Variants in GRAMD1C observed in about 807,000 individuals in gnomAD.
The protein encoded by GRAMD1C is GRAM domain containing 1C.
In GRAMD1C, 89 loss-of-function variants were observed where a neutral mutation model predicts 97.8. The ratio of observed to expected loss-of-function variants is 0.91; its 90% CI spans 0.77 to 1.09. GRAMD1C has a LOEUF of 1.09. Among genes scored for constraint, GRAMD1C ranks in the 50% least tolerant of loss-of-function variants. The probability of loss-of-function intolerance (pLI) is 0.00; values close to 1 mark genes in which losing one functional copy is unlikely to be tolerated. For missense variants in GRAMD1C, 740 were observed against 766.4 expected (o/e 0.97, Z 0.41); for synonymous variants, 256 against 267.0 (o/e 0.96, Z 0.40).
At chr3:113,925,345 C>T (rs575258828) in intron 10 of GRAMD1C, among the ~76,000 whole-genome samples, 29 of 152,202 alleles carry the variant, frequency 1.9e-4, no homozygotes, top group Admixed American at 1.3e-3. Flanking sequence ...AAAAATTAGC[C>T]GGGCATGGTG....
intron 9 of GRAMD1C, among the ~76,000 whole-genome samples, chr3:113,913,920 A>T (rs934714500): frequency 2.0e-5 from 3 of 152,194 alleles, no homozygotes; most frequent in Non-Finnish European, 4.4e-5. Flanking sequence ...GTGGGTTTAG[A>T]GGGAGTGAGG....
At chr3:113,897,652 C>T (rs1397944920) in intron 6 of GRAMD1C, 3 of 983,300 alleles carry the variant, frequency 3.1e-6, no homozygotes, top group East Asian at 1.1e-4. Context: ...ATATTTGGAG[C>T]TCTGCTGTGC....
At chr3:113,838,578 A>AG, upstream of GRAMD1C, 3 of 227,928 alleles carry the variant, frequency 1.3e-5, no homozygotes, top group Non-Finnish European at 1.7e-5. Context: ...TCCGTCTCAA[A>AG]AAAAAAAAAA....
intron 6 of GRAMD1C, among the ~76,000 whole-genome samples, chr3:113,884,927 C>T (rs1481880119): frequency 2.8e-5 from 3 of 108,010 alleles, no homozygotes; most frequent in Non-Finnish European, 5.6e-5. Context: ...CTTTTCCCTT[C>T]CTCCCTTTTC....
chr3:113,943,872 C>T (rs774917623), intron 17 of GRAMD1C, among the ~76,000 whole-genome samples: 16 of 152,184 alleles, frequency 1.1e-4, no homozygotes, highest in Middle Eastern at 3.2e-3. Flanking sequence ...TGAGATCATG[C>T]TACTGCACTC....
intron 2 of GRAMD1C, among the ~76,000 whole-genome samples, chr3:113,853,188 A>G (rs1011913515): frequency 7.9e-5 from 12 of 152,230 alleles, no homozygotes; most frequent in Admixed American, 5.2e-4. Flanking sequence ...TAGAAATGAA[A>G]AATATGGTCA....
At chr3:113,940,098 A>C (rs1214524993) in intron 16 of GRAMD1C, 102 bp downstream of exon 16, 3 of 863,760 alleles carry the variant, frequency 3.5e-6, no homozygotes, top group Non-Finnish European at 5.8e-6. Context: ...TCTGCTAACT[A>C]TCCTGTAGCC....
chr3:113,875,465 C>T lies in GRAMD1C; in HGVS notation c.260-19C>T, dbSNP rs745802038. On this transcript the variant is annotated intron_variant, in intron 3 of 17. Coordinates refer to ENST00000358160, the MANE Select transcript of GRAMD1C (RefSeq NM_017577.5). ...TCAGATTTTCGTGAATAAGCTGTATCTTATTTTTGTGTATATAGATTATGC... is the reference window on the plus strand; with the variant it reads ...TCAGATTTTCGTGAATAAGCTGTATTTTATTTTTGTGTATATAGATTATGC... 9.7e-7 allele frequency: 1 copy of T among 1,029,164 alleles called. No homozygotes were observed. Among genetic ancestry groups the T allele is most frequent in the Non-Finnish European group, 1.5e-6 (1 of 647,686 alleles). The allele number at this position is 1,029,164 out of a possible 1,614,324, so 63.8% of individuals were successfully genotyped here.
At chr3:113,845,156 C>T (rs1259462315) in intron 2 of GRAMD1C, among the ~76,000 whole-genome samples, 1 of 152,100 alleles carries the variant, frequency 6.6e-6, no homozygotes, top group Non-Finnish European at 1.5e-5. Context: ...CTTCAGGTTT[C>T]CCCACTGGAA....
intron 9 of GRAMD1C, among the ~76,000 whole-genome samples, chr3:113,914,406 T>C (rs562006966): frequency 6.6e-6 from 1 of 152,242 alleles, no homozygotes; most frequent in South Asian, 2.1e-4. Flanking sequence ...TAAACAGCAG[T>C]AGTTGGGGAT....
At chr3:113,927,544 G>T (rs1425378487) in intron 10 of GRAMD1C, among the ~76,000 whole-genome samples, 1 of 152,208 alleles carries the variant, frequency 6.6e-6, no homozygotes, top group Non-Finnish European at 1.5e-5. Flanking sequence ...ATCCTGCTCA[G>T]CTAGGAGCTG....
chr3:113,902,182 T>C (rs1244893614), intron 7 of GRAMD1C, among the ~76,000 whole-genome samples: 1 of 152,244 alleles, frequency 6.6e-6, no homozygotes, highest in Non-Finnish European at 1.5e-5. Context: ...ATTTTGAAAG[T>C]CTCAAAGTAT....
chr3:113,931,579 G>A (rs1223154837), intron 11 of GRAMD1C, among the ~76,000 whole-genome samples: 4 of 151,796 alleles, frequency 2.6e-5, no homozygotes, highest in Admixed American at 6.6e-5. Flanking sequence ...GGCTGGTCTC[G>A]AACTCCTGAA....
chr3:113,922,251 T>C, intron 10 of GRAMD1C, among the ~76,000 whole-genome samples: 1 of 152,044 alleles, frequency 6.6e-6, no homozygotes, highest in Non-Finnish European at 1.5e-5. Flanking sequence ...TTTATATTTT[T>C]TTGTAGAGAT....
chr3:113,873,024 C>T (rs1480092399), intron 3 of GRAMD1C, among the ~76,000 whole-genome samples: 2 of 139,934 alleles, frequency 1.4e-5, no homozygotes, highest in Non-Finnish European at 1.5e-5. Flanking sequence ...ACCTGGGAGG[C>T]GGAGCTTGCA....
chr3:113,834,146 T>C (rs1045212764), upstream of GRAMD1C, among the ~76,000 whole-genome samples: 11 of 152,306 alleles, frequency 7.2e-5, no homozygotes, highest in Middle Eastern at 3.4e-3. Context: ...TTTGAAGCTA[T>C]TGCCAAATTC....
At chr3:113,919,096 C>A in intron 10 of GRAMD1C, 1 of 165,784 alleles carries the variant, frequency 6.0e-6, no homozygotes, top group Non-Finnish European at 1.3e-5. Context: ...CTAATTCCAG[C>A]ACTCAAATGA....
chr3:113,877,551 C>T (rs114942772), intron 5 of GRAMD1C, among the ~76,000 whole-genome samples: 101 of 152,216 alleles, frequency 6.6e-4, no homozygotes, highest in Non-Finnish European at 1.1e-3. Flanking sequence ...TAGGATATCT[C>T]TCAATTTGTG....
chr3:113,869,609 A>G lies in GRAMD1C; in HGVS notation c.259+18A>G, dbSNP rs1180788823. ...GATAGCAGGTAAAATAGAAATTTTC[A>G]AAAAAAAGTTTTATTACCTCATTAT... is the stretch of plus-strand genomic sequence containing the variant. On this transcript the variant is annotated intron_variant, in intron 3 of 17. Coordinates refer to ENST00000358160, the MANE Select transcript of GRAMD1C (RefSeq NM_017577.5). The G allele has an allele frequency of 8.4e-7, 1 of 1,196,154 alleles. No individual in the cohort carries two copies. Among genetic ancestry groups the G allele is most frequent in the African/African-American group, 1.5e-5 (1 of 64,650 alleles). 74.1% of individuals were successfully genotyped at this position (1,196,154 alleles called of 1,614,324 possible).
Sources: allele counts gnomAD v4.1 joint callset (sites outside exome capture counted in the v4.1 genomes callset), GRCh38; gene constraint gnomAD v4.1.1; transcripts MANE v1.5; gene names NCBI Gene and HGNC (gene_info 2026-07-23, HGNC 2026-07-21).